UMODL1: variants seen among roughly 807,000 people sequenced by gnomAD.
The protein encoded by UMODL1 is uromodulin-like 1.
A neutral mutation model predicts 136.3 loss-of-function variants in UMODL1; 128 were observed. The ratio of observed to expected loss-of-function variants is 0.94; its 90% CI spans 0.81 to 1.09. UMODL1 has a LOEUF of 1.09. Ranked by LOEUF, UMODL1 falls within the 50% of genes least tolerant of loss-of-function variation. UMODL1 has a pLI of 0.00. For missense variants in UMODL1, 1,766 were observed against 1,725.6 expected, an observed-to-expected ratio of 1.02 and a Z score of -0.41; for synonymous variants, 721 against 720.0, an observed-to-expected ratio of 1.00 and a Z score of -0.02.
chr21:42,083,949 T>C, intron 2 of UMODL1, 135 bp from the exon 3 acceptor site: 1 of 1,095,270 alleles, frequency 9.1e-7, no homozygotes, highest in East Asian at 2.4e-5. Context: ...TGCCCAGGCA[T>C]GGGGATGGGC....
At chr21:42,068,398 G>A (rs2066200845), upstream of UMODL1, among the ~76,000 whole-genome samples, 1 of 152,194 alleles carries the variant, frequency 6.6e-6, no homozygotes, top group Non-Finnish European at 1.5e-5. This position sits in a 1 kb window ranked among gnomAD's most constrained non-coding sequence, Gnocchi z 5.5. Context: ...GAAACAGGGT[G>A]TTAAGTCACC....
chr21:42,087,830 C>T (rs1316637022), intron 4 of UMODL1, among the ~76,000 whole-genome samples: 1 of 152,202 alleles, frequency 6.6e-6, no homozygotes, highest in East Asian at 1.9e-4. Context: ...GCTGGTTCCT[C>T]CTGAGGCCCC....
In UMODL1 at chr21:42,087,653, C is replaced by T. The variant is rs191778560; in HGVS notation, c.604-641C>T. 2.0e-5 allele frequency among the ~76,000 whole-genome samples: 3 copies of T among 152,322 alleles called. No individual in the cohort carries two copies. The East Asian group carries it at 5.8e-4, about 29-fold the overall frequency. ...TTCTCTGTTGTCAGCTGCAAGAGAC[C>T]TGCAGTCTTGGCAAGGGCAGAAGAC... is the stretch of plus-strand genomic sequence containing the variant. On this transcript the variant is annotated intron_variant, in intron 4 of 22. Transcript: ENST00000408910.
At chr21:42,134,215 G>C (rs2067172680) in intron 21 of UMODL1, among the ~76,000 whole-genome samples, 1 of 152,154 alleles carries the variant, frequency 6.6e-6, no homozygotes, top group Non-Finnish European at 1.5e-5. Flanking sequence ...GGGGGTGAGG[G>C]GTTCACAGTT....
rs541608232 is a variant in UMODL1 at position 42,119,948 on chromosome 21, CAA to C, written c.2689+629_2689+630del. 4.2e-3 allele frequency among the ~76,000 whole-genome samples: 639 copies of C among 152,080 alleles called. 5 individuals are homozygous for C. Among genetic ancestry groups the C allele is most frequent in the Non-Finnish European group, 4.3e-3 (290 of 67,972 alleles). On this transcript the variant is annotated intron_variant, in intron 15 of 22. Coordinates refer to ENST00000408910, the MANE Select transcript of UMODL1 (RefSeq NM_001004416.3). ...AGGCACCATTTTAACGCAAAGTAAA[CAA>C]AAAATTTTTCAATAATTTGGTGAAG...
intron 11 of UMODL1, 94 bp downstream of exon 11, chr21:42,111,215 C>T (rs114358105): frequency 0.014 from 21,456 of 1,537,260 alleles, 206 homozygotes; most frequent in African/African-American, 0.031. Flanking sequence ...GAGCCTCAGA[C>T]AGGAGAGTAC....
At chr21:42,117,887 T>C (rs1306429178) in intron 14 of UMODL1, among the ~76,000 whole-genome samples, 2 of 152,256 alleles carry the variant, frequency 1.3e-5, no homozygotes, top group African/African-American at 4.8e-5. Context: ...AGTTTCTTGA[T>C]TAATCTTTCC....
At chr21:42,073,486 G>A (rs1179646347) in intron 1 of UMODL1, among the ~76,000 whole-genome samples, 1 of 152,158 alleles carries the variant, frequency 6.6e-6, no homozygotes, top group African/African-American at 2.4e-5. Flanking sequence ...GGGCCCGCAG[G>A]GTGATTTGGG....
At chr21:42,134,348 G>A (rs1014919380) in intron 21 of UMODL1, among the ~76,000 whole-genome samples, 13 of 152,178 alleles carry the variant, frequency 8.5e-5, no homozygotes, top group Non-Finnish European at 1.6e-4. Context: ...TCAGTTTTCG[G>A]AACTCCTCCA....
Position 42,115,931 on chromosome 21 carries a change from TC to T in UMODL1, c.2422del (p.Arg808AlafsTer12). The T allele has an allele frequency of 6.2e-7, 1 of 1,614,078 alleles. No homozygotes were observed. The highest frequency in any genetic ancestry group is 8.5e-7 in the Non-Finnish European group (1 of 1,180,006). On this transcript the variant is annotated frameshift_variant, in exon 14 of 23. Coordinates refer to ENST00000408910, the MANE Select transcript of UMODL1 (RefSeq NM_001004416.3). LOFTEE classifies it high-confidence loss of function. Reference protein sequence around the residue: ...IKNVRYSESFRNASSQEYRDF... With the variant: ...IKNVRYSESFXNASSQEYRDF... The stretch of plus-strand genomic sequence containing the variant: ...AAAATGTCAGGTACTCAGAATCCTT[TC>T]GCAACGCAAGCAGCCAGGAGTATCG...
In UMODL1 at chr21:42,084,220, C is replaced by G; in HGVS notation, c.456C>G (p.Arg152=). ...LEKCCPWSGG[R]YCMAPAPQAP... is the part of the protein sequence containing the mutation. ...AGTGCTGCCCCTGGTCAGGGGGGCG[C>G]TACTGCATGGCCCCTGCACCCCAAG... The change falls in exon 3 of 23, where the codon CGC becomes CGG. Residue 152 remains arginine, a synonymous_variant. Coordinates refer to ENST00000408910, the MANE Select transcript of UMODL1 (RefSeq NM_001004416.3). The G allele has an allele frequency of 6.2e-7, 1 of 1,613,612 alleles. No homozygotes were observed. Among genetic ancestry groups the G allele is most frequent in the Non-Finnish European group, 8.5e-7 (1 of 1,179,980 alleles).
chr21:42,112,771 G>A (rs565256704), intron 12 of UMODL1, among the ~76,000 whole-genome samples: 14 of 151,312 alleles, frequency 9.3e-5, no homozygotes, highest in Admixed American at 3.9e-4. Flanking sequence ...CAGCTGTTCC[G>A]TACCCCCAGT....
At chr21:42,117,246 C>T (rs1002624618) in intron 14 of UMODL1, among the ~76,000 whole-genome samples, 1 of 152,170 alleles carries the variant, frequency 6.6e-6, no homozygotes, top group Non-Finnish European at 1.5e-5. Context: ...ATGAGGTTTT[C>T]TGGTTTCATC....
chr21:42,085,483 C>A lies in UMODL1; in HGVS notation c.603+71C>A. On this transcript the variant is annotated intron_variant, in intron 4 of 22. Coordinates refer to ENST00000408910, the MANE Select transcript of UMODL1 (RefSeq NM_001004416.3). This position sits in a 1 kb window ranked among gnomAD's most constrained non-coding sequence, Gnocchi z 4.5. ...TGCTCAGGCAGACCCAGGTATGGGG[C>A]CGTGGAAGGGACCTGGGGGTTGGGG... The A allele has an allele frequency of 6.2e-7, 1 of 1,607,870 alleles. No homozygotes were observed. Among genetic ancestry groups the A allele is most frequent in the Non-Finnish European group, 8.5e-7 (1 of 1,177,640 alleles).
chr21:42,067,978 G>A (rs1050881396), upstream of UMODL1, among the ~76,000 whole-genome samples: 11 of 152,242 alleles, frequency 7.2e-5, no homozygotes, highest in Non-Finnish European at 1.5e-4. Context: ...GCACGTGTCT[G>A]TGTGAGTGAG....
At chr21:42,103,755 T>G in intron 8 of UMODL1, 113 bp from the exon 9 acceptor site, 2 of 1,263,890 alleles carry the variant, frequency 1.6e-6, no homozygotes, top group Non-Finnish European at 2.3e-6. Context: ...TGCCTCCTCT[T>G]GATTGTAGAG....
intron 2 of UMODL1, among the ~76,000 whole-genome samples, chr21:42,080,336 G>A (rs919737803): frequency 1.3e-4 from 20 of 152,350 alleles, no homozygotes; most frequent in Admixed American, 7.8e-4. Context: ...AGCGTGAAGG[G>A]CAGGAGATGC....
rs1281521764 is a variant in UMODL1 at position 42,131,559 on chromosome 21, TCGGCCA to T, written c.3775+1763_3775+1768del. Among the ~76,000 whole-genome samples, 252 of 39,294 alleles carry T rather than the reference TCGGCCA, an allele frequency of 6.4e-3. 15 individuals carry two copies. The highest frequency in any genetic ancestry group is 0.011 in the Non-Finnish European group (156 of 14,200). 25.8% of individuals were successfully genotyped at this position (39,294 alleles called of 152,430 possible). On this transcript the variant is annotated intron_variant, in intron 21 of 22. Transcript: ENST00000408910. ...GCTGGGGAACAGGAGGAGGGAGGTC[TCGGCCA>T]TGAAGCTGGGGAGCAGGAGGAGGGA...
rs201879010 is a variant in UMODL1, at chr21:42,127,712, G to A, written c.3571G>A (p.Gly1191Ser). Residue 1191 changes from glycine (G) to serine (S), a missense_variant, in exon 20 of 23, where the codon GGC becomes AGC. Gly to Ser is a moderately conservative substitution (Grantham distance 56). Coordinates refer to ENST00000408910, the MANE Select transcript of UMODL1 (RefSeq NM_001004416.3). The part of the protein sequence containing the change: ...PNTYTNVIEN[G>S]NSNKAQFKLR... Reference sequence around the variant, plus strand: ...CACATACACCAACGTGATTGAGAACGGCAACTCCAATAAGGCCCAGTTCAA... The same window carrying A: ...CACATACACCAACGTGATTGAGAACAGCAACTCCAATAAGGCCCAGTTCAA... 72 of 1,614,108 alleles carry A rather than the reference G, an allele frequency of 4.5e-5. No individual in the cohort carries two copies. The East Asian group carries it at 6.2e-4, about 14-fold the overall frequency.
Sources: allele counts gnomAD v4.1 joint callset (sites outside exome capture counted in the v4.1 genomes callset), GRCh38; gene constraint gnomAD v4.1.1; non-coding constraint Gnocchi (gnomAD v3.1); transcripts MANE v1.5; gene names NCBI Gene and HGNC (gene_info 2026-07-23, HGNC 2026-07-21).